The following PARP4 variants were observed in gnomAD, a reference collection of about 807,000 sequenced individuals.
PARP4 encodes protein mono-ADP-ribosyltransferase PARP4.
A neutral mutation model predicts 187.7 loss-of-function variants in PARP4; 120 were observed. That is an observed-to-expected ratio of 0.64 (90% CI 0.55 to 0.74). PARP4 has a LOEUF of 0.74. Ranked by LOEUF, PARP4 falls within the 30% of genes least tolerant of loss-of-function variation. The pLI, the probability that PARP4 is intolerant of heterozygous loss-of-function variation, is 0.00. For synonymous variants in PARP4, 654 were observed against 740.9 expected, an observed-to-expected ratio of 0.88 and a Z score of 1.90; for missense variants, 1,836 against 2,070.5, an observed-to-expected ratio of 0.89 and a Z score of 2.20.
intron 27 of PARP4, among the ~76,000 whole-genome samples, chr13:24,445,745 T>C (rs1217705705): frequency 1.3e-5 from 2 of 152,190 alleles, no homozygotes; most frequent in African/African-American, 2.4e-5. Context: ...GTAAGAAATT[T>C]GAGAAATTTC....
intron 33 of PARP4, among the ~76,000 whole-genome samples, chr13:24,425,003 C>T (rs1343418873): frequency 6.6e-6 from 1 of 152,014 alleles, no homozygotes; most frequent in African/African-American, 2.4e-5. Flanking sequence ...TTTAAATTCA[C>T]CTTAAATTAA....
intron 21 of PARP4, among the ~76,000 whole-genome samples, chr13:24,455,496 T>TC (rs1446237018): frequency 2.9e-5 from 4 of 137,144 alleles, no homozygotes; most frequent in African/African-American, 5.6e-5. Flanking sequence ...TATATATATA[T>TC]ATATATATAT....
intron 15 of PARP4, 35 bp downstream of exon 15, chr13:24,475,437 G>A (rs776526442): frequency 1.9e-6 from 3 of 1,584,760 alleles, no homozygotes; most frequent in South Asian, 1.1e-5. Flanking sequence ...TTACATCCAT[G>A]TAGTTTAAGT....
intron 21 of PARP4, 130 bp downstream of exon 21, chr13:24,456,211 A>G (rs1248298989): frequency 1.5e-6 from 1 of 677,790 alleles, no homozygotes; most frequent in Admixed American, 2.9e-5. Flanking sequence ...TAGTTGCAGA[A>G]TCTTGAGATG....
At chr13:24,425,883 G>A (rs182742636) in intron 33 of PARP4, among the ~76,000 whole-genome samples, 12 of 152,104 alleles carry the variant, frequency 7.9e-5, no homozygotes, top group Admixed American at 6.6e-4. Flanking sequence ...GATGGGTGGG[G>A]TGGGGTATTC....
intron 1 of PARP4, among the ~76,000 whole-genome samples, chr13:24,504,705 T>G (rs1869515600): frequency 6.6e-6 from 1 of 151,170 alleles, no homozygotes; most frequent in South Asian, 2.1e-4. Flanking sequence ...TTTGTAAAAT[T>G]TTTTTTTTGA....
Position 24,490,716 on chromosome 13 carries a change from G to C in PARP4, c.1166C>G (p.Thr389Ser), listed in dbSNP as rs1349714063. 1 of 1,613,890 alleles carries C rather than the reference G, an allele frequency of 6.2e-7. No homozygotes were observed. Among genetic ancestry groups the C allele is most frequent in the Admixed American group, 1.7e-5 (1 of 60,014 alleles). The change falls in exon 10 of 34, where the codon ACT (threonine) becomes AGT (serine). Residue 389 changes from threonine (T) to serine (S), a missense_variant. Thr to Ser is a moderately conservative substitution (Grantham distance 58). This residue lies in a region of PARP4 where 1,147 missense variants were observed against 1,214.2 expected (regional missense o/e 0.94). Transcript: ENST00000381989. ...TTTTCTAACCCTGAGAAATTCTTCAGTATTCTGTTCAACATGCTCAATTTT... is the reference window on the plus strand; with the variant it reads ...TTTTCTAACCCTGAGAAATTCTTCACTATTCTGTTCAACATGCTCAATTTT... ...RCKIEHVEQN[T>S]EEFLRVRKEV... is the part of the protein sequence containing the mutation.
In PARP4 at chr13:24,454,440, T is replaced by C. The variant is rs114829525; in HGVS notation, c.2758+577A>G. 3.0e-3 allele frequency among the ~76,000 whole-genome samples: 456 copies of C among 152,264 alleles called. 6 individuals carry two copies. The highest frequency in any genetic ancestry group is 0.01 in the African/African-American group (422 of 41,558). ...CTCACTCCACTCCACGCACCTCTCATCCCTGAGGTGCTGCCTTCTGGTGGC... is the reference window on the plus strand; with the variant it reads ...CTCACTCCACTCCACGCACCTCTCACCCCTGAGGTGCTGCCTTCTGGTGGC... On this transcript the variant is annotated intron_variant, in intron 22 of 33. Transcript: ENST00000381989.
At chr13:24,459,566 CAT>C in intron 18 of PARP4, 2 of 411,984 alleles carry the variant, frequency 4.9e-6, no homozygotes. Context: ...CACACACACA[CAT>C]TTTATACATG....
At chr13:24,501,863 G>A in intron 2 of PARP4, 29 bp from the exon 3 acceptor site, 1 of 1,271,996 alleles carries the variant, frequency 7.9e-7, no homozygotes, top group Non-Finnish European at 1.1e-6. Context: ...AATCCATTAT[G>A]CATCAAGAAA....
chr13:24,511,420 A>C (rs1433174773), intron 1 of PARP4, among the ~76,000 whole-genome samples: 1 of 152,222 alleles, frequency 6.6e-6, no homozygotes, highest in Admixed American at 6.5e-5. Context: ...AAATCTGCAC[A>C]GTCACTCCAG....
intron 6 of PARP4, among the ~76,000 whole-genome samples, chr13:24,495,049 A>AT (rs1566018566): frequency 6.6e-6 from 1 of 151,624 alleles, no homozygotes; most frequent in African/African-American, 2.4e-5. Flanking sequence ...TTTTTTTTGT[A>AT]TTTTTTTGGT....
chr13:24,483,819 G>T (rs528080452), intron 12 of PARP4, among the ~76,000 whole-genome samples: 73 of 152,264 alleles, frequency 4.8e-4, no homozygotes, highest in Non-Finnish European at 7.4e-4. Context: ...TAGAGATGGG[G>T]TTTCGCCACA....
At chr13:24,456,570 T>C in intron 20 of PARP4, 92 bp from the exon 21 acceptor site, 2 of 1,127,356 alleles carry the variant, frequency 1.8e-6, no homozygotes, top group Non-Finnish European at 2.5e-6. Context: ...AACCCTTGCA[T>C]AGCTTACATA....
At chr13:24,472,365 G>T (rs1247763662) in intron 15 of PARP4, among the ~76,000 whole-genome samples, 15 of 152,168 alleles carry the variant, frequency 9.9e-5, no homozygotes, top group Admixed American at 9.8e-4. Flanking sequence ...CTGCCTTGAG[G>T]ATGTGTGTAT....
At position 24,501,644 on chromosome 13, in the gene PARP4, G is replaced by A. The variant is rs1566021517; in HGVS notation, c.323C>T (p.Ala108Val). ...LDITPPPDQK[A>V]SSSEVKTEGL... is the part of the protein sequence containing the mutation. ...TATGAAATACCTACCAGAACTGCTC[G>A]CCTTCTGATCAGGAGGTGGTGTGAT... The change falls in exon 3 of 34, where the codon GCG (alanine) becomes GTG (valine). Residue 108 changes from alanine to valine, a missense_variant. Physicochemically the swap from Ala to Val is moderately conservative, Grantham distance 64. This residue lies in a region of PARP4 where 1,147 missense variants were observed against 1,214.2 expected (regional missense o/e 0.94). Transcript: ENST00000381989. 4 of 1,609,472 alleles carry A rather than the reference G, an allele frequency of 2.5e-6. No homozygotes were observed. Among genetic ancestry groups the A allele is most frequent in the Non-Finnish European group, 3.4e-6 (4 of 1,175,970 alleles).
At chr13:24,489,006 C>T (rs770550709) in intron 10 of PARP4, among the ~76,000 whole-genome samples, 3 of 152,138 alleles carry the variant, frequency 2.0e-5, no homozygotes, top group Non-Finnish European at 4.4e-5. Flanking sequence ...GAATAATATT[C>T]TATTACATAT....
intron 32 of PARP4, among the ~76,000 whole-genome samples, chr13:24,429,979 G>A (rs1215387066): frequency 2.0e-5 from 3 of 152,192 alleles, no homozygotes; most frequent in African/African-American, 4.8e-5. Context: ...AGCTGGATAC[G>A]TGTGGAGCCC....
intron 21 of PARP4, among the ~76,000 whole-genome samples, chr13:24,456,036 T>C (rs1258407350): frequency 2.0e-5 from 3 of 152,196 alleles, no homozygotes; most frequent in African/African-American, 7.2e-5. Flanking sequence ...ATCAGTATTT[T>C]AAAACTATAA....
Sources: gnomAD v4.1 joint callset for allele counts (sites outside exome capture counted in the v4.1 genomes callset) on GRCh38, gnomAD v4.1.1 for gene constraint, gnomAD v4.1.1 regional missense constraint, MANE v1.5 for transcripts, NCBI Gene and HGNC (gene_info 2026-07-23, HGNC 2026-07-21) for gene names.